BCAS3: variants seen among roughly 807,000 people sequenced by gnomAD.
BCAS3 encodes the protein BCAS4/BCAS3 fusion.
In BCAS3, 53 loss-of-function variants were observed where a neutral mutation model predicts 116.1. The observed-to-expected ratio is 0.46, with a 90% CI of 0.37 to 0.57. The LOEUF (loss-of-function observed/expected upper bound fraction) is 0.57, where lower values mean the gene tolerates loss of function less well. BCAS3 is among the 20% of genes least tolerant of loss of function. BCAS3 has a pLI of 0.00. For missense variants in BCAS3, 917 were observed against 1,165.4 expected, an observed-to-expected ratio of 0.79 and a Z score of 3.10; for synonymous variants, 391 against 408.2, an observed-to-expected ratio of 0.96 and a Z score of 0.51.
At chr17:60,816,965 A>G (rs921278480) in intron 7 of BCAS3, among the ~76,000 whole-genome samples, 2 of 152,168 alleles carry the variant, frequency 1.3e-5, no homozygotes, top group African/African-American at 2.4e-5. Context: ...ATGTGCCCCA[A>G]GTGCTTTCCC....
At chr17:60,992,230 A>ACACACACT (rs748676282) in intron 15 of BCAS3, among the ~76,000 whole-genome samples, 2,224 of 147,054 alleles carry the variant, frequency 0.015, 55 homozygotes, top group African/African-American at 0.052. Context: ...ACACACACAC[A>ACACACACT]CTCTGTAGGA....
chr17:61,036,957 G>A (rs749818521), intron 17 of BCAS3, among the ~76,000 whole-genome samples: 1 of 152,154 alleles, frequency 6.6e-6, no homozygotes, highest in Non-Finnish European at 1.5e-5. Flanking sequence ...ATGAGCAGAA[G>A]GTCCAGAGAT....
At chr17:60,958,939 T>G (rs905794174) in intron 14 of BCAS3, among the ~76,000 whole-genome samples, 1 of 152,194 alleles carries the variant, frequency 6.6e-6, no homozygotes, top group African/African-American at 2.4e-5. Flanking sequence ...GATCATAGAC[T>G]TAAATGTAGA....
intron 8 of BCAS3, 90 bp from the exon 9 acceptor site, chr17:60,874,572 A>T: frequency 1.2e-6 from 1 of 855,072 alleles, no homozygotes; most frequent in Non-Finnish European, 1.9e-6. Flanking sequence ...ACTTGTTTTC[A>T]TCTAGATGAT....
intron 6 of BCAS3, among the ~76,000 whole-genome samples, chr17:60,795,451 A>G (rs905958346): frequency 2.0e-5 from 3 of 152,048 alleles, no homozygotes; most frequent in African/African-American, 4.8e-5. Flanking sequence ...TTCCAGTACT[A>G]TGTTGAAGAG....
rs2080967021 is a variant in BCAS3, at chr17:61,203,662, A to G, written c.2425+119098A>G. ...AATTCGTGGAAACTTTGAGCTACAT[A>G]TTTTGCCTTCCGTTCATCTTTGTAA... On this transcript the variant is annotated intron_variant, in intron 22 of 23. Transcript: ENST00000407086. The surrounding 1 kb of genome is among the most constrained non-coding windows in gnomAD (Gnocchi z 5.7). Among the ~76,000 whole-genome samples, 1 of 152,142 alleles carries G rather than the reference A, an allele frequency of 6.6e-6. No homozygotes were observed. Among genetic ancestry groups the G allele is most frequent in the African/African-American group, 2.4e-5 (1 of 41,434 alleles).
chr17:60,885,851 G>A (rs1183056879), intron 9 of BCAS3, among the ~76,000 whole-genome samples: 3 of 145,898 alleles, frequency 2.1e-5, no homozygotes, highest in South Asian at 2.1e-4. Context: ...AGGGTAACCC[G>A]ACCTTTCTCT....
chr17:61,313,279 G>A lies in BCAS3; in HGVS notation c.2426-55048G>A, dbSNP rs1306680080. Among the ~76,000 whole-genome samples, 2 of 152,158 alleles carry A rather than the reference G, an allele frequency of 1.3e-5. No homozygotes were observed. The highest frequency in any genetic ancestry group is 2.4e-5 in the African/African-American group (1 of 41,434). On this transcript the variant is annotated intron_variant, in intron 22 of 23. Transcript: ENST00000407086. The surrounding 1 kb of genome is among the most constrained non-coding windows in gnomAD (Gnocchi z 4.3). ...TATAACTGGTAAAGGGTGTGGCCAC[G>A]ATTACACCACCATGATTCTACTCCA...
chr17:60,709,696 G>C (rs1232470575), intron 5 of BCAS3: 1 of 222,602 alleles, frequency 4.5e-6, no homozygotes, highest in Non-Finnish European at 8.8e-6. Context: ...GCATATGTCT[G>C]TGTATCTTTA....
At position 61,226,172 on chromosome 17, in the gene BCAS3, C is replaced by G. The variant is rs1023016266; in HGVS notation, c.2425+141608C>G. Among the ~76,000 whole-genome samples the G allele has an allele frequency of 6.6e-6, 1 of 152,058 alleles. No individual in the cohort carries two copies. Among genetic ancestry groups the G allele is most frequent in the Non-Finnish European group, 1.5e-5 (1 of 68,022 alleles). The stretch of plus-strand genomic sequence containing the variant: ...GTCCAGCCTGGGCAATATAGCAAGA[C>G]CCTAGCTCTAAAAATTAAAAAATTC... On this transcript the variant is annotated intron_variant, in intron 22 of 23. Coordinates refer to ENST00000407086, the MANE Select transcript of BCAS3 (RefSeq NM_017679.5). The surrounding 1 kb of genome is among the most constrained non-coding windows in gnomAD (Gnocchi z 6.0).
rs1177070809 is a variant in BCAS3, at chr17:61,122,126, T to C, written c.2425+37562T>C. Among the ~76,000 whole-genome samples, 1 of 152,204 alleles carries C rather than the reference T, an allele frequency of 6.6e-6. No individual in the cohort carries two copies. The highest frequency in any genetic ancestry group is 6.5e-5 in the Admixed American group (1 of 15,280). On this transcript the variant is annotated intron_variant, in intron 22 of 23. Transcript: ENST00000407086. This position sits in a 1 kb window ranked among gnomAD's most constrained non-coding sequence, Gnocchi z 4.6. ...CAGCATAGTCTTGCCACAGCTGAAA[T>C]AGGAAGAGTATTGAACAGTCTCCCT...
chr17:61,111,420 C>T (rs1053101664), intron 22 of BCAS3, among the ~76,000 whole-genome samples: 8 of 150,398 alleles, frequency 5.3e-5, no homozygotes, highest in Non-Finnish European at 8.9e-5. Flanking sequence ...AACCAAGGCT[C>T]GAGAACTACG....
chr17:61,189,891 A>G lies in BCAS3; in HGVS notation c.2425+105327A>G, dbSNP rs962906846. Reference sequence around the variant, plus strand: ...ATGTGGGAGTTATCAACATATAGCTATGGAAGGTGAAAGGGAAAGTATGCA... The same window carrying G: ...ATGTGGGAGTTATCAACATATAGCTGTGGAAGGTGAAAGGGAAAGTATGCA... On this transcript the variant is annotated intron_variant, in intron 22 of 23. Transcript: ENST00000407086. This position sits in a 1 kb window ranked among gnomAD's most constrained non-coding sequence, Gnocchi z 4.5. Among the ~76,000 whole-genome samples, 1 of 152,180 alleles carries G rather than the reference A, an allele frequency of 6.6e-6. No individual in the cohort carries two copies. The highest frequency in any genetic ancestry group is 1.5e-5 in the Non-Finnish European group (1 of 68,024).
chr17:60,785,998 G>A (rs1402633444), intron 6 of BCAS3, among the ~76,000 whole-genome samples: 1 of 152,150 alleles, frequency 6.6e-6, no homozygotes, highest in Non-Finnish European at 1.5e-5. Context: ...AGGAGGATGT[G>A]CATAGGTTGT....
rs781299791 is a variant in BCAS3 at position 61,095,471 on chromosome 17, C to T, written c.2425+10907C>T. Among the ~76,000 whole-genome samples the T allele has an allele frequency of 9.9e-5, 15 of 151,394 alleles. No homozygotes were observed. Among genetic ancestry groups the T allele is most frequent in the Admixed American group, 8.6e-4 (13 of 15,152 alleles). On this transcript the variant is annotated intron_variant, in intron 22 of 23. Coordinates refer to ENST00000407086, the MANE Select transcript of BCAS3 (RefSeq NM_017679.5). This position sits in a 1 kb window ranked among gnomAD's most constrained non-coding sequence, Gnocchi z 4.7. ...GTCCTGGGTTTTTTGTTGTTGTTGT[C>T]GTTTGTTTGTTTTTTTGAGACAACC... is the stretch of plus-strand genomic sequence containing the variant.
intron 1 of BCAS3, 96 bp from the exon 2 acceptor site, chr17:60,679,357 A>G (rs2032610367): frequency 1.1e-5 from 9 of 789,736 alleles, no homozygotes. Context: ...ATTTTTGACA[A>G]GGGATCTCTA....
chr17:61,078,443 A>C lies in BCAS3; in HGVS notation c.2241A>C (p.Ser747=), dbSNP rs771107860. ...AAACCACAGTTATCTCATCCAGTTC[A>C]TCTGTGTTGCAGTCTCATGGTCCGA... ...SGQTTVISSS[S]SVLQSHGPSD... Residue 747 remains serine, a synonymous_variant, in exon 21 of 24, where the codon TCA becomes TCC. Transcript: ENST00000407086. The C allele has an allele frequency of 2.3e-5, 37 of 1,614,056 alleles. No individual in the cohort carries two copies. The highest frequency in any genetic ancestry group is 3.1e-5 in the Non-Finnish European group (36 of 1,180,028).
At chr17:61,310,486 G>A (rs551792412) in intron 22 of BCAS3, among the ~76,000 whole-genome samples, 23 of 152,032 alleles carry the variant, frequency 1.5e-4, no homozygotes, top group Middle Eastern at 6.8e-3. Context: ...CCCAAGAGGC[G>A]GAGGTTGCAG....
At chr17:60,774,629 A>C (rs1026733254) in intron 6 of BCAS3, among the ~76,000 whole-genome samples, 3 of 151,960 alleles carry the variant, frequency 2.0e-5, no homozygotes, top group Admixed American at 2.0e-4. Context: ...ACTTTCTCTT[A>C]CTCTTTGTTA....
Sources: allele counts gnomAD v4.1 joint callset (sites outside exome capture counted in the v4.1 genomes callset), GRCh38; gene constraint gnomAD v4.1.1; non-coding constraint Gnocchi (gnomAD v3.1); transcripts MANE v1.5; gene names NCBI Gene and HGNC (gene_info 2026-07-23, HGNC 2026-07-21).